The following IFT122 variants were observed in gnomAD, a reference collection of about 807,000 sequenced individuals.
IFT122 encodes intraflagellar transport protein 122 homolog.
In IFT122, 118 loss-of-function variants were observed where a neutral mutation model predicts 161.6. The observed-to-expected ratio is 0.73, with a 90% CI of 0.63 to 0.85. The LOEUF (loss-of-function observed/expected upper bound fraction) is 0.85. Among genes scored for constraint, IFT122 ranks in the 40% least tolerant of loss-of-function variants. IFT122 has a pLI of 0.00. For synonymous variants in IFT122, 550 were observed against 602.4 expected (o/e 0.91, Z 1.27); for missense variants, 1,381 against 1,579.6 (o/e 0.87, Z 2.13).
intron 17 of IFT122, among the ~76,000 whole-genome samples, chr3:129,494,650 A>G (rs2080608146): frequency 6.6e-6 from 1 of 151,874 alleles, no homozygotes; most frequent in Non-Finnish European, 1.5e-5. Flanking sequence ...ATGTTCCCTG[A>G]CACAGAAGGA....
intron 1 of IFT122, among the ~76,000 whole-genome samples, chr3:129,445,979 A>G (rs2073939776): frequency 6.6e-6 from 1 of 152,174 alleles, no homozygotes; most frequent in African/African-American, 2.4e-5. Context: ...TTCCTTCTCA[A>G]CCAGGGCTCT....
chr3:129,500,004 T>A lies in IFT122; in HGVS notation c.2311T>A (p.Tyr771Asn). Residue 771 changes from tyrosine (Y) to asparagine (N), a missense_variant, in exon 19 of 30, where the codon TAC (tyrosine) becomes AAC (asparagine). Coordinates refer to ENST00000348417, the MANE Select transcript of IFT122 (RefSeq NM_052989.3). ...GGAGCCCAAAGCCGCCGTGGAGATG[T>A]ACATCTCAGCAGGAGAGCACGTCAA... ...IKEPKAAVEM[Y>N]ISAGEHVKAI... 2 of 1,614,202 alleles carry A rather than the reference T, an allele frequency of 1.2e-6. No individual in the cohort carries two copies. The highest frequency in any genetic ancestry group is 1.7e-6 in the Non-Finnish European group (2 of 1,180,032).
At chr3:129,449,131 A>G (rs573551653) in intron 1 of IFT122, among the ~76,000 whole-genome samples, 1 of 152,320 alleles carries the variant, frequency 6.6e-6, no homozygotes, top group South Asian at 2.1e-4. Context: ...ATCTGGCTAA[A>G]TAATTTCTTT....
intron 11 of IFT122, among the ~76,000 whole-genome samples, chr3:129,477,730 T>C (rs2078128841): frequency 6.6e-6 from 1 of 152,226 alleles, no homozygotes; most frequent in African/African-American, 2.4e-5. Context: ...CCACTAGTGC[T>C]GTGCAGAGGA....
At chr3:129,492,504 C>G (rs1239249336) in intron 17 of IFT122, among the ~76,000 whole-genome samples, 5 of 152,170 alleles carry the variant, frequency 3.3e-5, no homozygotes, top group Admixed American at 6.5e-5. Flanking sequence ...AGTAGGTTCT[C>G]AGGAACTGGT....
At chr3:129,474,119 A>C (rs1429296271) in intron 9 of IFT122, among the ~76,000 whole-genome samples, 4 of 152,212 alleles carry the variant, frequency 2.6e-5, no homozygotes. Context: ...GAATGTATTA[A>C]ACTTATAATT....
At chr3:129,448,416 A>C (rs2074307651) in intron 1 of IFT122, among the ~76,000 whole-genome samples, 1 of 152,214 alleles carries the variant, frequency 6.6e-6, no homozygotes, top group South Asian at 2.1e-4. Flanking sequence ...TTGGTGTTTC[A>C]TTTGCATAAC....
At chr3:129,476,012 C>A in intron 9 of IFT122, 1 of 447,838 alleles carries the variant, frequency 2.2e-6, no homozygotes, top group Non-Finnish European at 4.1e-6. Context: ...CAAAACCACC[C>A]ACAGTCTCCA....
At chr3:129,463,161 A>G (rs946979546) in intron 5 of IFT122, 23 of 211,458 alleles carry the variant, frequency 1.1e-4, no homozygotes, top group Admixed American at 5.4e-5. Context: ...TTATGTAACT[A>G]TTATACAATA....
chr3:129,514,327 C>T, intron 24 of IFT122, 62 bp from the exon 25 acceptor site: 1 of 1,577,086 alleles, frequency 6.3e-7, no homozygotes, highest in Non-Finnish European at 8.7e-7. Flanking sequence ...ACTCCAAGGA[C>T]AGGCAGTGCC....
intron 9 of IFT122, among the ~76,000 whole-genome samples, chr3:129,473,830 G>A (rs1237173365): frequency 6.6e-6 from 1 of 152,218 alleles, no homozygotes; most frequent in African/African-American, 2.4e-5. Context: ...CCTAGTGTTT[G>A]TTCCCTTCTT....
Position 129,468,501 on chromosome 3 carries a change from C to T in IFT122, c.741-841C>T, listed in dbSNP as rs561769174. Among the ~76,000 whole-genome samples, 7 of 152,294 alleles carry T rather than the reference C, an allele frequency of 4.6e-5. No individual in the cohort carries two copies. The East Asian group carries it at 1.2e-3, about 25-fold the overall frequency. ...CTGGGATTACAGACACGCGACACCA[C>T]GCCGAACTAATTTTGCATTTTCAGT... On this transcript the variant is annotated intron_variant, in intron 8 of 29. Transcript: ENST00000348417.
At chr3:129,477,537 C>T (rs888518288) in intron 11 of IFT122, among the ~76,000 whole-genome samples, 1 of 152,010 alleles carries the variant, frequency 6.6e-6, no homozygotes, top group Non-Finnish European at 1.5e-5. Flanking sequence ...GTGGTTGGGG[C>T]AAAGCCCCTT....
intron 14 of IFT122, among the ~76,000 whole-genome samples, chr3:129,483,034 A>T (rs958516255): frequency 1.3e-4 from 20 of 152,140 alleles, no homozygotes; most frequent in African/African-American, 4.6e-4. Context: ...GGTGATTCTC[A>T]GCCCTGCCAG....
rs762005616 is a variant in IFT122, at chr3:129,499,919, A to T, written c.2226A>T (p.Gly742=). 5.6e-6 allele frequency: 9 copies of T among 1,614,042 alleles called. No homozygotes were observed. The Admixed American group carries it at 1.5e-4, about 27-fold the overall frequency. The change falls in exon 19 of 30, where the codon GGA becomes GGT. Residue 742 remains glycine, a synonymous_variant. Coordinates refer to ENST00000348417, the MANE Select transcript of IFT122 (RefSeq NM_052989.3). ...FEYAKDFLGS[G]DPKETKMLIT... Reference sequence around the variant, plus strand: ...TTCCTCAGGATTTCCTTGGATCTGGAGACCCCAAAGAAACAAAGATGCTAA... The same window carrying T: ...TTCCTCAGGATTTCCTTGGATCTGGTGACCCCAAAGAAACAAAGATGCTAA...
At position 129,502,692 on chromosome 3, in the gene IFT122, C is replaced by G; in HGVS notation, c.2376-19C>G. 2 of 1,603,806 alleles carry G rather than the reference C, an allele frequency of 1.2e-6. No homozygotes were observed. The highest frequency in any genetic ancestry group is 1.7e-6 in the Non-Finnish European group (2 of 1,179,968). ...CAAGACCCAGAGCCCACCCTCCTAC[C>G]TGCCCCTTCCCTCTCCAGGTTGATC... On this transcript the variant is annotated intron_variant, in intron 19 of 29. Transcript: ENST00000348417.
At chr3:129,457,525 A>C (rs1173505460) in intron 3 of IFT122, among the ~76,000 whole-genome samples, 1 of 152,012 alleles carries the variant, frequency 6.6e-6, no homozygotes, top group Non-Finnish European at 1.5e-5. Flanking sequence ...TCCTCTCTAC[A>C]TCTGGCTAAG....
In IFT122 at chr3:129,464,762, A is replaced by G; in HGVS notation, c.544A>G (p.Ile182Val). The G allele has an allele frequency of 6.2e-7, 1 of 1,614,190 alleles. No individual in the cohort carries two copies. Among genetic ancestry groups the G allele is most frequent in the Non-Finnish European group, 8.5e-7 (1 of 1,180,036 alleles). The change falls in exon 7 of 30, where the codon ATC becomes GTC. Residue 182 changes from isoleucine (I) to valine (V), a missense_variant. Coordinates refer to ENST00000348417, the MANE Select transcript of IFT122 (RefSeq NM_052989.3). ...PGGSLSPIWSICWNPSSRWES... is the reference protein window; with the variant it reads ...PGGSLSPIWSVCWNPSSRWES... The stretch of plus-strand genomic sequence containing the variant: ...GGGCTCCCTCTCGCCAATATGGTCC[A>G]TCTGCTGGAACCCTTCAAGGTACTC...
intron 15 of IFT122, 164 bp downstream of exon 15, chr3:129,483,846 A>C: frequency 8.2e-6 from 6 of 727,442 alleles, no homozygotes; most frequent in South Asian, 1.6e-5. Flanking sequence ...CCCTGTCTCC[A>C]CTCCTTGCAA....
Sources: allele counts gnomAD v4.1 joint callset (sites outside exome capture counted in the v4.1 genomes callset), GRCh38; gene constraint gnomAD v4.1.1; transcripts MANE v1.5; gene names NCBI Gene and HGNC (gene_info 2026-07-23, HGNC 2026-07-21).